ZNF117: variants seen among roughly 807,000 people sequenced by gnomAD.
The protein encoded by ZNF117 is zinc finger protein 117.
ZNF117 carries 37 observed loss-of-function variants against 41.2 expected under a neutral mutation model. The observed-to-expected ratio is 0.90, with a 90% CI of 0.69 to 1.18. The LOEUF is 1.18. ZNF117 is among the 50% of genes most tolerant of loss of function. The pLI, the probability that ZNF117 is intolerant of heterozygous loss-of-function variation, is 0.00. For missense variants in ZNF117, 546 were observed against 557.5 expected (o/e 0.98, Z 0.21); for synonymous variants, 186 against 186.6 (o/e 1.00, Z 0.02).
chr7:64,986,739 C>T (rs1249973973), upstream of ZNF117, among the ~76,000 whole-genome samples: 4 of 152,060 alleles, frequency 2.6e-5, no homozygotes, highest in African/African-American at 7.2e-5. Context: ...CCTAACTTTT[C>T]TTTTTGGTTT....
At chr7:64,983,027 T>C (rs886872774), upstream of ZNF117, among the ~76,000 whole-genome samples, 17 of 152,338 alleles carry the variant, frequency 1.1e-4, no homozygotes, top group Middle Eastern at 3.4e-3. Context: ...ATACAGATAA[T>C]TCATATGTTC....
At chr7:64,978,899 C>A (rs1042671270) in exon 3 of ZNF117, 3 of 1,613,138 alleles carry the variant, frequency 1.9e-6, no homozygotes, top group Non-Finnish European at 2.5e-6. Context: ...TAACACATTT[C>A]TCACATTTGT....
chr7:64,977,188 T>C (rs754007067), exon 3 of ZNF117: 18 of 449,158 alleles, frequency 4.0e-5, no homozygotes, highest in Admixed American at 1.3e-4. Flanking sequence ...TTAGTAAGCG[T>C]TGAGGACAGG....
intron 1 of ZNF117, among the ~76,000 whole-genome samples, 183 bp downstream of exon 1, chr7:64,989,764 A>AT (rs1392305462): frequency 2.4e-4 from 16 of 67,274 alleles, no homozygotes; most frequent in Admixed American, 1.6e-3. Flanking sequence ...AAACAAATTT[A>AT]TTTTAAAAAA....
At chr7:64,974,877 A>C (rs1432759696) in exon 3 of ZNF117, 1 of 151,982 alleles carries the variant, frequency 6.6e-6, no homozygotes, top group African/African-American at 2.4e-5. Flanking sequence ...GAGTTGATGG[A>C]TATTTCATTT....
upstream of ZNF117, among the ~76,000 whole-genome samples, chr7:64,983,711 C>T (rs769659477): frequency 2.0e-5 from 3 of 152,320 alleles, no homozygotes; most frequent in Non-Finnish European, 4.4e-5. Flanking sequence ...TGTTTACCTG[C>T]TACCACCACA....
chr7:64,978,592 GA>G lies in ZNF117; in HGVS notation c.978del (p.His327IlefsTer27). On this transcript the variant is annotated frameshift_variant, in exon 3 of 3. Coordinates refer to ENST00000620222, the Ensembl canonical transcript of ZNF117. LOFTEE classifies it high-confidence loss of function. ...CATTTGTAGGGTTTCTCTCCAGTAT[GA>G]ATTTTTTTATGGTCAGTAAGATTTG... 6.2e-7 allele frequency: 1 copy of G among 1,612,718 alleles called. No individual in the cohort carries two copies. Among genetic ancestry groups the G allele is most frequent in the East Asian group, 2.2e-5 (1 of 44,824 alleles).
exon 3 of ZNF117, chr7:64,977,187 G>A (rs902149977): frequency 8.3e-5 from 37 of 447,698 alleles, no homozygotes; most frequent in Admixed American, 1.1e-4. Flanking sequence ...TTTAGTAAGC[G>A]TTGAGGACAG....
chr7:64,973,894 T>C (rs948640779), downstream of ZNF117: 5 of 151,992 alleles, frequency 3.3e-5, no homozygotes, highest in African/African-American at 1.2e-4. Context: ...ATTGGTATTT[T>C]CCATCTCTGA....
intron 2 of ZNF117, chr7:64,980,574 TAAC>T (rs1371773481): frequency 6.6e-6 from 1 of 150,876 alleles, no homozygotes; most frequent in Non-Finnish European, 1.5e-5. Flanking sequence ...TTAAAAAGGT[TAAC>T]AAAGAAACTA....
At chr7:64,982,162 A>G (rs928521674), upstream of ZNF117, 133 of 675,078 alleles carry the variant, frequency 2.0e-4, 1 homozygote, top group African/African-American at 2.1e-3. Context: ...ACATACATTT[A>G]CCAAGTGGCC....
At chr7:64,990,400 G>A (rs541935916) in exon 1 of ZNF117, 59 of 185,196 alleles carry the variant, frequency 3.2e-4, no homozygotes, top group Middle Eastern at 3.1e-3. Context: ...CTGGCCCAGC[G>A]GATTAACATC....
At chr7:64,986,599 G>A (rs1355483483), upstream of ZNF117, among the ~76,000 whole-genome samples, 1 of 152,128 alleles carries the variant, frequency 6.6e-6, no homozygotes, top group Non-Finnish European at 1.5e-5. Context: ...ACACCTTAGG[G>A]TAAAGATCTT....
chr7:64,984,965 A>AT (rs1420995967), upstream of ZNF117, among the ~76,000 whole-genome samples: 2 of 151,882 alleles, frequency 1.3e-5, no homozygotes, highest in Non-Finnish European at 1.5e-5. Context: ...TAATTTTTGT[A>AT]TTTTTTAGTA....
At chr7:64,988,347 A>AT (rs2129120996) in intron 1 of ZNF117, among the ~76,000 whole-genome samples, 1 of 152,298 alleles carries the variant, frequency 6.6e-6, no homozygotes, top group African/African-American at 2.4e-5. Context: ...AAAAATAAGG[A>AT]TAAAAACCAC....
intron 2 of ZNF117, chr7:64,980,334 A>G (rs879921825): frequency 2.0e-5 from 3 of 152,050 alleles, no homozygotes; most frequent in Non-Finnish European, 4.4e-5. Context: ...AGGGCAACAT[A>G]GCTCTATCAG....
upstream of ZNF117, among the ~76,000 whole-genome samples, chr7:64,986,175 T>C (rs1007440904): frequency 6.6e-6 from 1 of 151,774 alleles, no homozygotes; most frequent in Non-Finnish European, 1.5e-5. Context: ...AATCCATGGG[T>C]GTATCAATCA....
At chr7:64,977,092 G>GTA (rs940287533) in exon 3 of ZNF117, 32 of 522,058 alleles carry the variant, frequency 6.1e-5, no homozygotes, top group Middle Eastern at 6.4e-4. Flanking sequence ...ATTATATTAT[G>GTA]TATAGCAAGG....
chr7:64,982,356 C>G (rs1008423246), upstream of ZNF117, among the ~76,000 whole-genome samples: 3 of 152,148 alleles, frequency 2.0e-5, no homozygotes, highest in African/African-American at 7.2e-5. Flanking sequence ...ATATATGGTA[C>G]TTTTCTGGAT....
Sources: allele counts gnomAD v4.1 joint callset (sites outside exome capture counted in the v4.1 genomes callset), GRCh38; gene constraint gnomAD v4.1.1; transcripts MANE v1.5; gene names NCBI Gene and HGNC (gene_info 2026-07-23, HGNC 2026-07-21).